The following ARHGAP10 variants were observed in gnomAD, a reference collection of about 807,000 sequenced individuals.
ARHGAP10 encodes the protein rho GTPase-activating protein 10.
A neutral mutation model predicts 108.6 loss-of-function variants in ARHGAP10; 87 were observed. The observed-to-expected ratio is 0.80, with a 90% CI of 0.67 to 0.96. The LOEUF (loss-of-function observed/expected upper bound fraction) is 0.96. Among genes scored for constraint, ARHGAP10 ranks in the 40% least tolerant of loss-of-function variants. The pLI is 0.00. For missense variants in ARHGAP10, 939 were observed against 954.5 expected, an observed-to-expected ratio of 0.98 and a Z score of 0.21; for synonymous variants, 347 against 341.1, an observed-to-expected ratio of 1.02 and a Z score of -0.19.
chr4:147,743,029 T>G (rs1728752441), intron 1 of ARHGAP10, among the ~76,000 whole-genome samples: 1 of 151,814 alleles, frequency 6.6e-6, no homozygotes, highest in African/African-American at 2.4e-5. Flanking sequence ...GATAGTTTTT[T>G]TTTTTTTTTT....
chr4:147,941,175 A>G (rs76797526), intron 14 of ARHGAP10, among the ~76,000 whole-genome samples: 222 of 152,334 alleles, frequency 1.5e-3, no homozygotes, highest in Non-Finnish European at 2.3e-3. Flanking sequence ...TATATTGATA[A>G]CAGAATGGGA....
At chr4:148,044,996 A>G (rs990648069) in intron 19 of ARHGAP10, among the ~76,000 whole-genome samples, 1 of 152,016 alleles carries the variant, frequency 6.6e-6, no homozygotes, top group Admixed American at 6.6e-5. Flanking sequence ...TTATAAATAG[A>G]CTCAGACAAG....
intron 18 of ARHGAP10, among the ~76,000 whole-genome samples, chr4:148,005,190 A>G (rs1034767598): frequency 2.0e-5 from 3 of 152,244 alleles, no homozygotes; most frequent in Non-Finnish European, 2.9e-5. Flanking sequence ...CCCAGTGTCT[A>G]TAACGCTGCA....
chr4:148,050,366 T>C (rs955411396), intron 20 of ARHGAP10, among the ~76,000 whole-genome samples: 1 of 32,170 alleles, frequency 3.1e-5, no homozygotes. Flanking sequence ...CATCATCATC[T>C]TTTTTTTTTT....
At chr4:147,866,518 G>C (rs4240341) in intron 6 of ARHGAP10, 194 bp from the exon 7 acceptor site, 1 of 506,462 alleles carries the variant, frequency 2.0e-6, no homozygotes, top group Non-Finnish European at 3.5e-6. Flanking sequence ...AGGGAAAAAA[G>C]CATCATTTTC....
chr4:147,846,541 T>C (rs1733640990), intron 3 of ARHGAP10, among the ~76,000 whole-genome samples: 1 of 152,122 alleles, frequency 6.6e-6, no homozygotes, highest in African/African-American at 2.4e-5. Flanking sequence ...AAAAAGAAAA[T>C]GTGGTTGTGG....
At chr4:148,036,345 G>T (rs1219665909) in intron 19 of ARHGAP10, among the ~76,000 whole-genome samples, 1 of 152,104 alleles carries the variant, frequency 6.6e-6, no homozygotes, top group Admixed American at 6.6e-5. Context: ...TTTGTGATAT[G>T]ATTTGGTGTG....
intron 10 of ARHGAP10, among the ~76,000 whole-genome samples, chr4:147,902,377 A>G (rs553886943): frequency 5.9e-5 from 9 of 152,186 alleles, no homozygotes; most frequent in African/African-American, 1.2e-4. Context: ...AGCATGGTGT[A>G]TTAATTCATT....
chr4:147,750,396 G>T (rs1729091937), intron 1 of ARHGAP10, among the ~76,000 whole-genome samples: 1 of 152,064 alleles, frequency 6.6e-6, no homozygotes. Flanking sequence ...AGAATGGAAC[G>T]GGATTAATAC....
chr4:148,047,108 T>G (rs970321685), intron 20 of ARHGAP10, 57 bp downstream of exon 20: 11 of 1,590,902 alleles, frequency 6.9e-6, no homozygotes, highest in African/African-American at 1.3e-5. Context: ...CTTTGTTCAT[T>G]TTAAAGTTTC....
intron 16 of ARHGAP10, among the ~76,000 whole-genome samples, chr4:147,957,904 C>T (rs1738849430): frequency 6.6e-6 from 1 of 152,180 alleles, no homozygotes; most frequent in Non-Finnish European, 1.5e-5. Flanking sequence ...TAAAGGTTGA[C>T]TGCATTGGAA....
rs748262182 is a variant in ARHGAP10 at position 148,047,070 on chromosome 4, G to C, written c.2027+19G>C. ...CCACTATGTAAGTAACCGTGCTTCT[G>C]TTGGGTGCTGAAGGGTGGAAGCCCT... On this transcript the variant is annotated intron_variant, in intron 20 of 22. Coordinates refer to ENST00000336498, the MANE Select transcript of ARHGAP10 (RefSeq NM_024605.4). The C allele has an allele frequency of 6.2e-7, 1 of 1,613,494 alleles. No homozygotes were observed. The highest frequency in any genetic ancestry group is 8.5e-7 in the Non-Finnish European group (1 of 1,179,678).
chr4:147,873,720 A>ACACACACACT (rs1734942059), intron 7 of ARHGAP10, among the ~76,000 whole-genome samples: 1 of 149,016 alleles, frequency 6.7e-6, no homozygotes, highest in African/African-American at 2.5e-5. Flanking sequence ...ACACACACAC[A>ACACACACACT]CACTCTTGGC....
chr4:147,865,735 G>A (rs867626749), intron 6 of ARHGAP10: 1 of 152,180 alleles, frequency 6.6e-6, no homozygotes, highest in African/African-American at 2.4e-5. Context: ...GAATAACCAA[G>A]TAATGATTAA....
At chr4:148,059,483 T>A (rs1187567064) in intron 20 of ARHGAP10, among the ~76,000 whole-genome samples, 1 of 144,496 alleles carries the variant, frequency 6.9e-6, no homozygotes, top group Non-Finnish European at 1.5e-5. Context: ...ATTTTTTAAA[T>A]GTTTAAATTT....
At chr4:148,007,373 G>A (rs550849580) in intron 18 of ARHGAP10, among the ~76,000 whole-genome samples, 12 of 152,308 alleles carry the variant, frequency 7.9e-5, no homozygotes, top group Non-Finnish European at 1.3e-4. Flanking sequence ...AAGGGAGCTC[G>A]GATTCCAGCA....
At chr4:147,827,422 C>T (rs557816840) in intron 3 of ARHGAP10, among the ~76,000 whole-genome samples, 22 of 152,192 alleles carry the variant, frequency 1.4e-4, no homozygotes, top group Non-Finnish European at 2.2e-4. Flanking sequence ...ATACAAAGTG[C>T]GCCAGCAAAG....
chr4:147,998,461 A>G (rs550658373), intron 18 of ARHGAP10, among the ~76,000 whole-genome samples: 13 of 152,390 alleles, frequency 8.5e-5, no homozygotes, highest in African/African-American at 3.1e-4. Flanking sequence ...GGTCTACACC[A>G]TAGTGAAGGA....
intron 20 of ARHGAP10, among the ~76,000 whole-genome samples, chr4:148,049,797 T>TTTTG (rs1729043129): frequency 1.4e-5 from 2 of 147,178 alleles, no homozygotes; most frequent in Non-Finnish European, 1.5e-5. Flanking sequence ...ATAAAATTGT[T>TTTTG]TTTTTTGTTT....
Sources: gnomAD v4.1 joint callset for allele counts (sites outside exome capture counted in the v4.1 genomes callset) on GRCh38, gnomAD v4.1.1 for gene constraint, MANE v1.5 for transcripts, NCBI Gene and HGNC (gene_info 2026-07-23, HGNC 2026-07-21) for gene names.